CACNA2D1: variants seen among roughly 807,000 people sequenced by gnomAD.
CACNA2D1 encodes the protein voltage-dependent calcium channel subunit alpha-2/delta-1.
Under a neutral mutation model 171.5 loss-of-function variants are expected in CACNA2D1, and 53 were observed. The observed-to-expected ratio is 0.31, with a 90% CI of 0.25 to 0.39. The LOEUF (loss-of-function observed/expected upper bound fraction) is 0.39, where lower values mean the gene tolerates loss of function less well. Among genes scored for constraint, CACNA2D1 ranks in the 10% least tolerant of loss-of-function variants. The pLI is 1.00. For synonymous variants in CACNA2D1, 442 were observed against 443.1 expected, an observed-to-expected ratio of 1.00 and a Z score of 0.03; for missense variants, 903 against 1,299.8, an observed-to-expected ratio of 0.69 and a Z score of 4.69.
At chr7:81,960,713 A>C (rs1794003084) in intron 36 of CACNA2D1, among the ~76,000 whole-genome samples, 1 of 142,590 alleles carries the variant, frequency 7.0e-6, no homozygotes, top group African/African-American at 2.6e-5. Flanking sequence ...TCACTTTACA[A>C]TTTAACTTAC....
intron 18 of CACNA2D1, among the ~76,000 whole-genome samples, chr7:82,002,714 T>C (rs1196858087): frequency 6.6e-6 from 1 of 152,134 alleles, no homozygotes; most frequent in African/African-American, 2.4e-5. Context: ...TTAAAATCCA[T>C]TTTGGAATAA....
intron 21 of CACNA2D1, among the ~76,000 whole-genome samples, chr7:81,985,325 C>T (rs961400221): frequency 6.6e-5 from 10 of 151,476 alleles, no homozygotes; most frequent in African/African-American, 2.2e-4. Context: ...CCTCAGCCCC[C>T]GAAGTAGCTG....
At chr7:82,128,145 GT>G (rs1467967860) in intron 5 of CACNA2D1, among the ~76,000 whole-genome samples, 1 of 151,632 alleles carries the variant, frequency 6.6e-6, no homozygotes, top group African/African-American at 2.4e-5. Flanking sequence ...GCCCAGGCTG[GT>G]CTTAAACTCC....
chr7:81,954,126 T>C (rs1176269881), intron 38 of CACNA2D1, among the ~76,000 whole-genome samples: 2 of 152,084 alleles, frequency 1.3e-5, no homozygotes, highest in Non-Finnish European at 2.9e-5. Context: ...TCTACACAAA[T>C]GCACTGATGT....
chr7:82,441,629 G>A (rs1319418702), intron 1 of CACNA2D1, among the ~76,000 whole-genome samples: 2 of 152,086 alleles, frequency 1.3e-5, no homozygotes, highest in African/African-American at 4.8e-5. Context: ...TTTTACCACA[G>A]TATGTTGAGG....
At chr7:82,303,373 A>G (rs548831657) in intron 3 of CACNA2D1, among the ~76,000 whole-genome samples, 1 of 151,984 alleles carries the variant, frequency 6.6e-6, no homozygotes, top group Non-Finnish European at 1.5e-5. Context: ...GCAAGTACAG[A>G]TCCATTGCAA....
At chr7:82,426,419 C>T (rs1257588767) in intron 1 of CACNA2D1, among the ~76,000 whole-genome samples, 3 of 152,064 alleles carry the variant, frequency 2.0e-5, no homozygotes, top group Non-Finnish European at 4.4e-5. Context: ...TTTAAAATGC[C>T]TTATGAGCTC....
intron 7 of CACNA2D1, among the ~76,000 whole-genome samples, chr7:82,068,594 A>T: frequency 6.6e-6 from 1 of 152,180 alleles, no homozygotes; most frequent in East Asian, 1.9e-4. Flanking sequence ...ATTGAAAAAT[A>T]AATTTTCCTT....
At chr7:82,409,675 T>C (rs1827437969) in intron 1 of CACNA2D1, among the ~76,000 whole-genome samples, 2 of 152,186 alleles carry the variant, frequency 1.3e-5, no homozygotes, top group Admixed American at 6.5e-5. Flanking sequence ...CCTCTCGTAA[T>C]TCCAATGTAC....
intron 1 of CACNA2D1, among the ~76,000 whole-genome samples, chr7:82,365,881 C>T (rs967827448): frequency 2.0e-5 from 3 of 152,150 alleles, no homozygotes; most frequent in African/African-American, 7.2e-5. Flanking sequence ...CTCCTGAACA[C>T]AGTTAGATGA....
rs372555571 is a variant in CACNA2D1, at chr7:82,335,124, T to C, written c.294+11A>G. ...AAAATAATAAAATGAGCAGATCCAA[T>C]TTAAACTCACCACCAGGGCTTTAGA... On this transcript the variant is annotated intron_variant, in intron 3 of 38. Transcript: ENST00000356860. 2.4e-5 allele frequency: 36 copies of C among 1,506,650 alleles called. No homozygotes were observed. Among genetic ancestry groups the C allele is most frequent in the South Asian group, 1.8e-4 (16 of 88,874 alleles). The allele number at this position is 1,506,650 out of a possible 1,614,324, so 93.3% of individuals were successfully genotyped here.
chr7:82,221,485 C>T (rs938474494), intron 3 of CACNA2D1, among the ~76,000 whole-genome samples: 5 of 152,058 alleles, frequency 3.3e-5, no homozygotes, highest in Non-Finnish European at 4.4e-5. Context: ...TGGCTCAGGC[C>T]TGTAATTCTG....
At chr7:82,090,087 A>G (rs1472904066) in intron 6 of CACNA2D1, among the ~76,000 whole-genome samples, 2 of 152,192 alleles carry the variant, frequency 1.3e-5, no homozygotes, top group Non-Finnish European at 2.9e-5. Context: ...AAGTTAATTA[A>G]CTTATCCATC....
At chr7:81,998,827 A>C (rs1472299456) in intron 18 of CACNA2D1, among the ~76,000 whole-genome samples, 1 of 152,162 alleles carries the variant, frequency 6.6e-6, no homozygotes, top group Non-Finnish European at 1.5e-5. Flanking sequence ...TTAAAAGAAT[A>C]AAATAAAAGC....
chr7:82,221,469 G>A (rs1352835940), intron 3 of CACNA2D1, among the ~76,000 whole-genome samples: 1 of 152,126 alleles, frequency 6.6e-6, no homozygotes, highest in Non-Finnish European at 1.5e-5. Context: ...CCTCAGCCGG[G>A]GGCGGTGGCT....
At chr7:82,433,873 T>G (rs2129459113) in intron 1 of CACNA2D1, among the ~76,000 whole-genome samples, 1 of 152,316 alleles carries the variant, frequency 6.6e-6, no homozygotes, top group Non-Finnish European at 1.5e-5. Flanking sequence ...TAACCCAAGC[T>G]CAGGCAACCA....
intron 1 of CACNA2D1, among the ~76,000 whole-genome samples, chr7:82,427,086 G>T (rs921692501): frequency 2.0e-5 from 3 of 152,104 alleles, no homozygotes; most frequent in African/African-American, 4.8e-5. Context: ...GCATCCACTG[G>T]GGGGTCTGGA....
chr7:82,277,359 G>A (rs772103546), intron 3 of CACNA2D1, among the ~76,000 whole-genome samples: 2 of 151,770 alleles, frequency 1.3e-5, no homozygotes, highest in Non-Finnish European at 2.9e-5. Context: ...CCACCACCAC[G>A]CCCAGATAAT....
Position 81,967,678 on chromosome 7 carries a change from T to G in CACNA2D1, c.2396-15A>C, listed in dbSNP as rs1480112012. The G allele has an allele frequency of 3.3e-6, 4 of 1,203,622 alleles. No homozygotes were observed. Among genetic ancestry groups the G allele is most frequent in the Non-Finnish European group, 4.9e-6 (4 of 819,140 alleles). 74.6% of individuals were successfully genotyped at this position (1,203,622 alleles called of 1,614,324 possible). Reference sequence around the variant, plus strand: ...AATTCCAACAACTGAAAAATTAATTTGAATTAATTCAAAGGTATAATTAGA... The same window carrying G: ...AATTCCAACAACTGAAAAATTAATTGGAATTAATTCAAAGGTATAATTAGA... On this transcript the variant is annotated splice_polypyrimidine_tract_variant and intron_variant, in intron 29 of 38. Transcript: ENST00000356860.
Sources: gnomAD v4.1 joint callset for allele counts (sites outside exome capture counted in the v4.1 genomes callset) on GRCh38, gnomAD v4.1.1 for gene constraint, MANE v1.5 for transcripts, NCBI Gene and HGNC (gene_info 2026-07-23, HGNC 2026-07-21) for gene names.